PCDH15: variants seen among roughly 807,000 people sequenced by gnomAD.
PCDH15 encodes the protein protocadherin related 15, also known as protocadherin-15.
Under a neutral mutation model 178.5 loss-of-function variants are expected in PCDH15, and 129 were observed. The observed-to-expected ratio is 0.72, with a 90% CI of 0.63 to 0.84. The LOEUF is 0.84. Ranked by LOEUF, PCDH15 falls within the 40% of genes least tolerant of loss-of-function variation. PCDH15 has a pLI of 0.00. For missense variants in PCDH15, 2,230 were observed against 2,099.9 expected (o/e 1.06, Z -1.21); for synonymous variants, 800 against 732.0 (o/e 1.09, Z -1.50).
chr10:54,825,181 T>C (rs893312663), intron 3 of PCDH15, among the ~76,000 whole-genome samples: 8 of 152,080 alleles, frequency 5.3e-5, no homozygotes, highest in African/African-American at 1.7e-4. Flanking sequence ...GCTTCATCCA[T>C]GTCCCTACAA....
chr10:54,166,420 T>G (rs1424284275), intron 13 of PCDH15, among the ~76,000 whole-genome samples: 1 of 152,136 alleles, frequency 6.6e-6, no homozygotes, highest in African/African-American at 2.4e-5. Flanking sequence ...TAAAAATCTG[T>G]GTAGATTAAA....
intron 3 of PCDH15, among the ~76,000 whole-genome samples, chr10:54,844,299 T>C (rs1953467409): frequency 6.6e-6 from 1 of 152,038 alleles, no homozygotes; most frequent in African/African-American, 2.4e-5. Flanking sequence ...ACAAACTATT[T>C]GTTAAAATCA....
chr10:55,535,138 T>G (rs73254690), intron 2 of PCDH15, among the ~76,000 whole-genome samples: 4 of 152,038 alleles, frequency 2.6e-5, no homozygotes, highest in Non-Finnish European at 5.9e-5. Context: ...ACCCATGTAA[T>G]AAATCTGCAC....
intron 1 of PCDH15, among the ~76,000 whole-genome samples, chr10:55,263,005 G>A (rs943844147): frequency 2.0e-5 from 3 of 152,078 alleles, no homozygotes; most frequent in African/African-American, 7.2e-5. Context: ...TTTGAACAGT[G>A]GGGCACCAAA....
rs545519426 is a variant in PCDH15, at chr10:55,459,226, T to C, written c.-156+168399A>G. Among the ~76,000 whole-genome samples the C allele has an allele frequency of 3.3e-4, 9 of 27,154 alleles. No homozygotes were observed. The East Asian group carries it at 0.043, about 131-fold the overall frequency. 17.8% of individuals were successfully genotyped at this position (27,154 alleles called of 152,430 possible). On this transcript the variant is annotated intron_variant, in intron 2 of 5. Coordinates refer to the PCDH15 transcript ENST00000613346. ...AGGGCAATTAGCAGCCGAGTGTCCT[T>C]GGAGGCAAAAAAAAAAAAGAAGGAA... is the stretch of plus-strand genomic sequence containing the variant.
chr10:54,232,168 T>A (rs1375125294), intron 9 of PCDH15, among the ~76,000 whole-genome samples: 1 of 152,180 alleles, frequency 6.6e-6, no homozygotes, highest in Non-Finnish European at 1.5e-5. Flanking sequence ...GGTCATTGAA[T>A]AATGGGGGGA....
intron 18 of PCDH15, among the ~76,000 whole-genome samples, chr10:54,057,903 G>T (rs1249145061): frequency 3.3e-5 from 5 of 152,116 alleles, no homozygotes; most frequent in African/African-American, 1.2e-4. Context: ...TAGGGCAGGG[G>T]CAAAATGCCA....
At chr10:55,531,551 A>C (rs1841454725) in intron 2 of PCDH15, among the ~76,000 whole-genome samples, 1 of 152,030 alleles carries the variant, frequency 6.6e-6, no homozygotes, top group Non-Finnish European at 1.5e-5. Context: ...ATATTTTTCT[A>C]TGGGCAATAT....
chr10:54,518,052 A>G (rs1430196011), intron 3 of PCDH15, among the ~76,000 whole-genome samples: 1 of 152,196 alleles, frequency 6.6e-6, no homozygotes, highest in Admixed American at 6.5e-5. Context: ...TCTGGGACAC[A>G]TTCAAAGCAG....
At chr10:54,703,605 A>G (rs116806459) in intron 1 of PCDH15, among the ~76,000 whole-genome samples, 104 of 152,212 alleles carry the variant, frequency 6.8e-4, no homozygotes, top group African/African-American at 2.4e-3. Flanking sequence ...TGAGAGCCAA[A>G]TCAAGAAGGT....
intron 2 of PCDH15, among the ~76,000 whole-genome samples, chr10:55,425,672 A>ACAC (rs551132699): frequency 1.3e-5 from 2 of 150,548 alleles, no homozygotes; most frequent in African/African-American, 4.9e-5. Context: ...ACACACACAC[A>ACAC]AAAAAAAACA....
chr10:54,901,130 G>C (rs1314713195), intron 2 of PCDH15, among the ~76,000 whole-genome samples: 1 of 151,868 alleles, frequency 6.6e-6, no homozygotes, highest in Non-Finnish European at 1.5e-5. Flanking sequence ...GGGCAACAAA[G>C]TAAGACCCCC....
chr10:54,988,024 C>T (rs955695067), intron 2 of PCDH15, among the ~76,000 whole-genome samples: 7 of 151,896 alleles, frequency 4.6e-5, no homozygotes, highest in Non-Finnish European at 1.0e-4. Context: ...TAATTCATCT[C>T]GAGTTAATTT....
intron 2 of PCDH15, among the ~76,000 whole-genome samples, chr10:55,430,400 C>T (rs930134576): frequency 3.3e-5 from 5 of 152,200 alleles, no homozygotes; most frequent in Admixed American, 3.3e-4. Context: ...GTCTCTGAAT[C>T]AAGCAAAGGT....
upstream of PCDH15, among the ~76,000 whole-genome samples, chr10:54,806,268 ATTG>A (rs975552515): frequency 5.3e-4 from 80 of 152,106 alleles, 1 homozygote; most frequent in Admixed American, 2.9e-3. Flanking sequence ...TTAGTATTGT[ATTG>A]TTGTATAACA....
Position 53,903,362 on chromosome 10 carries a change from C to A in PCDH15, c.3382G>T (p.Ala1128Ser). 6.2e-7 allele frequency: 1 copy of A among 1,612,652 alleles called. No individual in the cohort carries two copies. The highest frequency in any genetic ancestry group is 8.5e-7 in the Non-Finnish European group (1 of 1,179,322). The change falls in exon 26 of 38, where the codon GCT becomes TCT. Residue 1128 changes from alanine (A) to serine (S), a missense_variant. Physicochemically the swap from Ala to Ser is moderately conservative, Grantham distance 99. Coordinates refer to ENST00000644397, the MANE Select transcript of PCDH15 (RefSeq NM_001384140.1). ...TCCTGAATCTCAATGTATACTTTAG[C>A]TGTATTGCCTGGAGGACAAGAAACG... ...NLRVPSKSNT[A>S]KVYIEIQDEN...
chr10:54,877,936 CTCTTTTTTTTTTTTTTTTT>C lies in PCDH15; in HGVS notation c.-29+19495_-29+19513del, dbSNP rs1470047146. Among the ~76,000 whole-genome samples, 175 of 104,292 alleles carry C rather than the reference CTCTTTTTTTTTTTTTTTTT, an allele frequency of 1.7e-3. 11 individuals are homozygous for C. Among genetic ancestry groups the C allele is most frequent in the East Asian group, 5.9e-3 (22 of 3,710 alleles). 68.4% of individuals were successfully genotyped at this position (104,292 alleles called of 152,430 possible). A position where few individuals can be genotyped will look rare whatever the true frequency, so the allele number is the denominator to read the frequency against. On this transcript the variant is annotated intron_variant, in intron 3 of 5. Transcript: ENST00000458638. Reference sequence around the variant, plus strand: ...TCTCTTATTCTCTTTCTCTCTCTCTCTCTTTTTTTTTTTTTTTTTTTTTTTTTTTTTTTTTTTTTTTGTT... The same window carrying C: ...TCTCTTATTCTCTTTCTCTCTCTCTCTTTTTTTTTTTTTTTTTTTTTTGTT...
chr10:54,746,058 G>T (rs1056483867), intron 1 of PCDH15, among the ~76,000 whole-genome samples: 1 of 151,998 alleles, frequency 6.6e-6, no homozygotes, highest in South Asian at 2.1e-4. Context: ...CTATTAATTT[G>T]TTAGGTGATT....
At chr10:55,522,075 G>A (rs1480124206) in intron 2 of PCDH15, among the ~76,000 whole-genome samples, 4 of 151,878 alleles carry the variant, frequency 2.6e-5, no homozygotes, top group Non-Finnish European at 5.9e-5. Flanking sequence ...AAATAGAATT[G>A]CTGGATCATG....
Sources: allele counts gnomAD v4.1 joint callset (sites outside exome capture counted in the v4.1 genomes callset), GRCh38; gene constraint gnomAD v4.1.1; transcripts MANE v1.5; gene names NCBI Gene and HGNC (gene_info 2026-07-23, HGNC 2026-07-21).